Variants in ANKS1B observed in about 807,000 individuals in gnomAD.
ANKS1B encodes ankyrin repeat and sterile alpha motif domain containing 1B, also known as ankyrin repeat and sterile alpha motif domain-containing protein 1B.
A neutral mutation model predicts 148.3 loss-of-function variants in ANKS1B; 36 were observed. The ratio of observed to expected loss-of-function variants is 0.24; its 90% CI spans 0.19 to 0.32. ANKS1B has a LOEUF of 0.32. Ranked by LOEUF, ANKS1B falls within the 10% of genes least tolerant of loss-of-function variation. The pLI is 1.00. For missense variants in ANKS1B, 1,157 were observed against 1,542.6 expected, an observed-to-expected ratio of 0.75 and a Z score of 4.19; for synonymous variants, 542 against 560.8, an observed-to-expected ratio of 0.97 and a Z score of 0.47.
chr12:99,191,708 G>A (rs1162024378), intron 14 of ANKS1B, among the ~76,000 whole-genome samples: 1 of 152,200 alleles, frequency 6.6e-6, no homozygotes, highest in Non-Finnish European at 1.5e-5. Context: ...TAGGGAACTA[G>A]GGGAGGGATA....
chr12:99,462,599 T>C (rs2096000610), intron 10 of ANKS1B, among the ~76,000 whole-genome samples: 1 of 152,178 alleles, frequency 6.6e-6, no homozygotes, highest in Non-Finnish European at 1.5e-5. Flanking sequence ...TTTTAACCAA[T>C]TAGGTACTAA....
At chr12:98,897,347 T>C (rs1272035861) in intron 17 of ANKS1B, among the ~76,000 whole-genome samples, 1 of 150,476 alleles carries the variant, frequency 6.6e-6, no homozygotes, top group African/African-American at 2.5e-5. Context: ...AGGACTAATA[T>C]CCATAATCGA....
intron 8 of ANKS1B, among the ~76,000 whole-genome samples, chr12:99,728,857 C>T (rs946560345): frequency 2.0e-5 from 3 of 152,168 alleles, no homozygotes; most frequent in Non-Finnish European, 4.4e-5. Context: ...AACTAACTAA[C>T]TAACAGGAAC....
intron 9 of ANKS1B, among the ~76,000 whole-genome samples, chr12:99,510,196 T>G (rs2096750544): frequency 6.6e-6 from 1 of 152,052 alleles, no homozygotes; most frequent in South Asian, 2.1e-4. Flanking sequence ...TTTTCATGAC[T>G]GTTAACACAG....
intron 1 of ANKS1B, among the ~76,000 whole-genome samples, chr12:99,981,828 G>A (rs2095706577): frequency 6.6e-6 from 1 of 152,072 alleles, no homozygotes; most frequent in Admixed American, 6.5e-5. Context: ...AAAGCAAGCG[G>A]GGAAAAAGTG....
At chr12:99,095,932 A>C (rs538842224) in intron 15 of ANKS1B, among the ~76,000 whole-genome samples, 1 of 152,308 alleles carries the variant, frequency 6.6e-6, no homozygotes, top group South Asian at 2.1e-4. Context: ...AAAAACTAAA[A>C]CGGATGCAAA....
In ANKS1B at chr12:99,779,931, A is replaced by C; in HGVS notation, c.787T>G (p.Leu263Val). The C allele has an allele frequency of 6.2e-7, 1 of 1,611,144 alleles. No individual in the cohort carries two copies. The highest frequency in any genetic ancestry group is 2.2e-5 in the East Asian group (1 of 44,828). Residue 263 changes from leucine (L) to valine (V), a missense_variant, in exon 6 of 27, where the codon TTG becomes GTG. By Grantham distance (32) the Leu-to-Val change is conservative. Around this residue, in one of 6 missense-constraint regions of ANKS1B, gnomAD observed 661 missense variants for 642.1 expected, o/e 1.03. Coordinates refer to ENST00000683438, the MANE Select transcript of ANKS1B (RefSeq NM_001352186.2). ...NIKDSLGRTV[L>V]DILKEHPSQK... is the part of the protein sequence containing the mutation. ...GATGGATGTTCTTTCAGAATGTCCA[A>C]GACAGTTCTACCTAAGCTATCCTTT...
chr12:98,807,303 A>C (rs1324282530), intron 20 of ANKS1B, among the ~76,000 whole-genome samples: 1 of 152,104 alleles, frequency 6.6e-6, no homozygotes, highest in African/African-American at 2.4e-5. Flanking sequence ...AAGGCTGAGA[A>C]CCACTTTGTA....
intron 11 of ANKS1B, among the ~76,000 whole-genome samples, chr12:99,424,315 C>G (rs1054114229): frequency 6.6e-6 from 1 of 151,996 alleles, no homozygotes; most frequent in Non-Finnish European, 1.5e-5. Context: ...GAGCAATGTT[C>G]CAGGCAGAAG....
At chr12:98,800,535 A>C (rs11109610) in intron 21 of ANKS1B, among the ~76,000 whole-genome samples, 7,047 of 149,752 alleles carry the variant, frequency 0.047, 519 homozygotes, top group African/African-American at 0.16. Flanking sequence ...TAAACAACTA[A>C]CCTAAACTAA....
intron 12 of ANKS1B, among the ~76,000 whole-genome samples, chr12:99,381,100 T>TC (rs1478752754): frequency 6.6e-6 from 1 of 152,182 alleles, no homozygotes; most frequent in African/African-American, 2.4e-5. Context: ...AAGAAAGGAT[T>TC]CTTTCCTAGT....
intron 8 of ANKS1B, among the ~76,000 whole-genome samples, chr12:99,660,006 T>C (rs2098468572): frequency 1.3e-5 from 2 of 152,158 alleles, no homozygotes; most frequent in South Asian, 4.1e-4. Flanking sequence ...AGAGGCAATA[T>C]CAGAGATGGC....
Position 99,179,395 on chromosome 12 carries a change from C to T in ANKS1B, c.2420-25000G>A, listed in dbSNP as rs191163443. ...AGTGAGCCGAAATGGCACCACTGCA[C>T]TCCGGCCTGGGTGACACAGCGAGAC... On this transcript the variant is annotated intron_variant, in intron 14 of 26. Coordinates refer to ENST00000683438, the MANE Select transcript of ANKS1B (RefSeq NM_001352186.2). 4.6e-3 allele frequency among the ~76,000 whole-genome samples: 619 copies of T among 136,024 alleles called. 16 individuals carry two copies. The highest frequency in any genetic ancestry group is 1.8e-3 in the Non-Finnish European group (120 of 65,586). The allele number at this position is 136,024 out of a possible 152,430, so 89.2% of individuals were successfully genotyped here. A position where few individuals can be genotyped will look rare whatever the true frequency, so the allele number is the denominator to read the frequency against.
chr12:98,830,519 C>T (rs990463844), intron 18 of ANKS1B, among the ~76,000 whole-genome samples: 1 of 152,198 alleles, frequency 6.6e-6, no homozygotes, highest in African/African-American at 2.4e-5. Flanking sequence ...TGAATCAACT[C>T]CAAATCCTAA....
chr12:99,595,011 C>T (rs2153271948), intron 9 of ANKS1B, among the ~76,000 whole-genome samples: 1 of 151,908 alleles, frequency 6.6e-6, no homozygotes, highest in East Asian at 1.9e-4. Flanking sequence ...AAATCTAATC[C>T]ACATTAGTTA....
chr12:99,803,860 C>T (rs1475898553), intron 4 of ANKS1B, among the ~76,000 whole-genome samples: 1 of 152,156 alleles, frequency 6.6e-6, no homozygotes, highest in African/African-American at 2.4e-5. Context: ...TCCATATTTT[C>T]CTCACCCGTA....
chr12:99,305,756 G>C (rs1027092467), intron 12 of ANKS1B, among the ~76,000 whole-genome samples: 13 of 152,060 alleles, frequency 8.5e-5, no homozygotes, highest in African/African-American at 3.1e-4. Context: ...AAGAAGCCCA[G>C]GGTAGGAAGG....
intron 15 of ANKS1B, among the ~76,000 whole-genome samples, chr12:99,134,703 G>A (rs2067406931): frequency 8.8e-6 from 1 of 113,832 alleles, no homozygotes; most frequent in Admixed American, 9.3e-5. Context: ...ACACACACCA[G>A]GCATTTACCC....
At chr12:99,927,581 T>C (rs1298938800) in intron 1 of ANKS1B, among the ~76,000 whole-genome samples, 1 of 152,174 alleles carries the variant, frequency 6.6e-6, no homozygotes, top group Admixed American at 6.6e-5. Context: ...GAAATCATAA[T>C]GAGTTCCATG....
Sources: gnomAD v4.1 joint callset for allele counts (sites outside exome capture counted in the v4.1 genomes callset) on GRCh38, gnomAD v4.1.1 for gene constraint, gnomAD v4.1.1 regional missense constraint, MANE v1.5 for transcripts, NCBI Gene and HGNC (gene_info 2026-07-23, HGNC 2026-07-21) for gene names.